The following GRM3 variants were observed in gnomAD, a reference collection of about 807,000 sequenced individuals.
GRM3 encodes glutamate metabotropic receptor 3.
Under a neutral mutation model 70.5 loss-of-function variants are expected in GRM3, and 26 were observed. The ratio of observed to expected loss-of-function variants is 0.37; its 90% CI spans 0.27 to 0.51. GRM3 has a LOEUF of 0.51. GRM3 is among the 20% of genes least tolerant of loss of function. The probability of loss-of-function intolerance (pLI) is 0.93; values close to 1 mark genes in which losing one functional copy is unlikely to be tolerated. For synonymous variants in GRM3, 443 were observed against 434.9 expected, an observed-to-expected ratio of 1.02 and a Z score of -0.23; for missense variants, 859 against 1,123.8, an observed-to-expected ratio of 0.76 and a Z score of 3.37.
At chr7:86,715,697 C>A (rs79858296) in intron 1 of GRM3, among the ~76,000 whole-genome samples, 13,263 of 152,038 alleles carry the variant, frequency 0.087, 645 homozygotes, top group Middle Eastern at 0.13. Context: ...GGGTAACCTT[C>A]TGGACCAAAG....
rs1011743317 is a variant in GRM3 at position 86,817,396 on chromosome 7, C to G, written c.1325-21443C>G. 2.0e-5 allele frequency among the ~76,000 whole-genome samples: 3 copies of G among 151,876 alleles called. No individual in the cohort carries two copies. In the East Asian group the frequency reaches 5.8e-4, roughly 29 times the overall value. On this transcript the variant is annotated intron_variant, in intron 3 of 5. Transcript: ENST00000361669. ...CCCTTTTCACTTCAATGAGGCGGAT[C>G]AAAGCCGAGCTACAATTCCAATCTT...
At chr7:86,774,828 T>C (rs1406188448) in intron 2 of GRM3, among the ~76,000 whole-genome samples, 1 of 152,158 alleles carries the variant, frequency 6.6e-6, no homozygotes, top group Non-Finnish European at 1.5e-5. Flanking sequence ...CAGATGTGGT[T>C]GAACAAATGA....
intron 4 of GRM3, among the ~76,000 whole-genome samples, chr7:86,842,154 C>T (rs977280832): frequency 3.3e-5 from 5 of 152,136 alleles, no homozygotes; most frequent in Admixed American, 3.3e-4. Flanking sequence ...GTGGCTTGGG[C>T]ATCAGGATTT....
intron 3 of GRM3, among the ~76,000 whole-genome samples, chr7:86,825,724 T>C (rs1303984538): frequency 2.0e-5 from 3 of 152,246 alleles, no homozygotes; most frequent in Non-Finnish European, 1.5e-5. Context: ...TCTGCTTCTT[T>C]ATATAAAGAA....
chr7:86,740,986 T>G (rs1246008941), intron 1 of GRM3, among the ~76,000 whole-genome samples: 3 of 152,174 alleles, frequency 2.0e-5, no homozygotes, highest in Non-Finnish European at 4.4e-5. Flanking sequence ...GGAAGAACCA[T>G]ATATATGTGT....
intron 3 of GRM3, among the ~76,000 whole-genome samples, chr7:86,799,859 G>T (rs1409542874): frequency 6.6e-6 from 1 of 152,146 alleles, no homozygotes; most frequent in Non-Finnish European, 1.5e-5. Flanking sequence ...TTTTTAACGT[G>T]AAGGTATGTT....
At chr7:86,652,842 CTT>C (rs1229900585) in intron 1 of GRM3, among the ~76,000 whole-genome samples, 1 of 152,184 alleles carries the variant, frequency 6.6e-6, no homozygotes, top group East Asian at 1.9e-4. Context: ...ATTAGAATCA[CTT>C]TGAAGTTTAC....
chr7:86,711,629 G>T (rs921436359), intron 1 of GRM3, among the ~76,000 whole-genome samples: 1 of 152,044 alleles, frequency 6.6e-6, no homozygotes, highest in African/African-American at 2.4e-5. Context: ...TTCAGCTAAT[G>T]GAAGATGATG....
chr7:86,690,124 G>A (rs1196046866), intron 1 of GRM3, among the ~76,000 whole-genome samples: 1 of 152,106 alleles, frequency 6.6e-6, no homozygotes, highest in Non-Finnish European at 1.5e-5. Context: ...TAGACAGATG[G>A]GTCCTAGGGG....
At chr7:86,742,294 A>G (rs1032420099) in intron 1 of GRM3, among the ~76,000 whole-genome samples, 9 of 152,164 alleles carry the variant, frequency 5.9e-5, no homozygotes, top group African/African-American at 2.2e-4. Context: ...TCACTAGTTC[A>G]CATTCAGCTG....
intron 2 of GRM3, among the ~76,000 whole-genome samples, chr7:86,781,058 G>A (rs1797043977): frequency 6.6e-6 from 1 of 152,144 alleles, no homozygotes; most frequent in Non-Finnish European, 1.5e-5. Context: ...TCCTCAGTAA[G>A]ATCTCTATGC....
At chr7:86,847,798 A>G (rs1234557998) in intron 4 of GRM3, among the ~76,000 whole-genome samples, 2 of 152,186 alleles carry the variant, frequency 1.3e-5, no homozygotes, top group African/African-American at 2.4e-5. Context: ...ACAGATAAAA[A>G]CAGACTTTTA....
At chr7:86,858,909 A>C (rs2115605790) in intron 5 of GRM3, among the ~76,000 whole-genome samples, 1 of 152,238 alleles carries the variant, frequency 6.6e-6, no homozygotes, top group Admixed American at 6.5e-5. Context: ...ACAGTTTAAA[A>C]CCATTATTTG....
chr7:86,767,272 G>A (rs1314363288), intron 2 of GRM3, among the ~76,000 whole-genome samples: 1 of 151,404 alleles, frequency 6.6e-6, no homozygotes, highest in Non-Finnish European at 1.5e-5. Context: ...AAAATTCTAG[G>A]TATAATTCTT....
At chr7:86,799,159 A>G (rs984535002) in intron 3 of GRM3, among the ~76,000 whole-genome samples, 1 of 151,826 alleles carries the variant, frequency 6.6e-6, no homozygotes, top group Non-Finnish European at 1.5e-5. Flanking sequence ...CTGCTCATCT[A>G]TTGTTGGTGT....
chr7:86,717,604 C>T (rs1795349153), intron 1 of GRM3, among the ~76,000 whole-genome samples: 1 of 151,746 alleles, frequency 6.6e-6, no homozygotes, highest in Non-Finnish European at 1.5e-5. Flanking sequence ...TATCAAATTC[C>T]CTAGAAATGA....
In GRM3 at chr7:86,809,957, G is replaced by A. The variant is rs558660363; in HGVS notation, c.1324+22841G>A. 5.1e-4 allele frequency among the ~76,000 whole-genome samples: 78 copies of A among 152,136 alleles called. 1 individual carries two copies. The highest frequency in any genetic ancestry group is 6.6e-4 in the Non-Finnish European group (45 of 67,940). On this transcript the variant is annotated intron_variant, in intron 3 of 5. Coordinates refer to ENST00000361669, the MANE Select transcript of GRM3 (RefSeq NM_000840.3). ...AAAGGGAATGTAAATTTCAACTAAC[G>A]ATTAAGGAAAGAACAGGAGTAGCTC...
At chr7:86,849,387 A>G (rs2116767370) in intron 4 of GRM3, among the ~76,000 whole-genome samples, 1 of 152,258 alleles carries the variant, frequency 6.6e-6, no homozygotes, top group South Asian at 2.1e-4. Context: ...GATTCAAAGT[A>G]AGCAAGGCCT....
rs369495343 is a variant in GRM3 at position 86,786,749 on chromosome 7, C to A, written c.957C>A (p.Gly319=). The change falls in exon 3 of 6, where the codon GGC becomes GGA. Residue 319 remains glycine (G), a synonymous_variant. Coordinates refer to ENST00000361669, the MANE Select transcript of GRM3 (RefSeq NM_000840.3). This position sits in a 1 kb window ranked among gnomAD's most constrained non-coding sequence, Gnocchi z 6.0. ...IIKGSEHVAY[G]AITLELASQP... The stretch of plus-strand genomic sequence containing the variant: ...AGGGCAGCGAGCATGTGGCCTACGG[C>A]GCCATCACCCTGGAGCTGGCCTCCC... The A allele has an allele frequency of 3.1e-6, 5 of 1,613,562 alleles. No homozygotes were observed. Among genetic ancestry groups the A allele is most frequent in the Non-Finnish European group, 2.5e-6 (3 of 1,179,996 alleles).
Sources: allele counts gnomAD v4.1 joint callset (sites outside exome capture counted in the v4.1 genomes callset), GRCh38; gene constraint gnomAD v4.1.1; non-coding constraint Gnocchi (gnomAD v3.1); transcripts MANE v1.5; gene names NCBI Gene and HGNC (gene_info 2026-07-23, HGNC 2026-07-21).